Variants in GALNT2 observed in about 807,000 individuals in gnomAD.
GALNT2 encodes polypeptide N-acetylgalactosaminyltransferase 2, also known as UDP-GalNAc:polypeptide N-acetylgalactosaminyltransferase 2.
GALNT2 carries 31 observed loss-of-function variants against 81.4 expected under a neutral mutation model. The observed-to-expected ratio is 0.38, with a 90% CI of 0.29 to 0.51. The LOEUF is 0.51. Ranked by LOEUF, GALNT2 falls within the 20% of genes least tolerant of loss-of-function variation. The pLI is 0.87. For missense variants in GALNT2, 629 were observed against 765.7 expected, an observed-to-expected ratio of 0.82 and a Z score of 2.11; for synonymous variants, 303 against 287.4, an observed-to-expected ratio of 1.05 and a Z score of -0.55.
upstream of GALNT2, among the ~76,000 whole-genome samples, chr1:230,066,361 C>T (rs1418451204): frequency 6.6e-6 from 1 of 152,206 alleles, no homozygotes. Context: ...TTTTAAAGAA[C>T]GCAACGAATG....
chr1:230,242,073 C>G (rs1200786864), intron 6 of GALNT2, among the ~76,000 whole-genome samples: 1 of 152,178 alleles, frequency 6.6e-6, no homozygotes, highest in Non-Finnish European at 1.5e-5. Flanking sequence ...AAGCTCTGAA[C>G]TCTCTATCCT....
At chr1:230,239,997 A>G (rs1226814944) in intron 6 of GALNT2, among the ~76,000 whole-genome samples, 3 of 152,224 alleles carry the variant, frequency 2.0e-5, no homozygotes, top group East Asian at 1.9e-4. Flanking sequence ...TTTCTTCTAC[A>G]TACATCTTAA....
At chr1:230,098,617 T>A (rs1369311209) in intron 1 of GALNT2, among the ~76,000 whole-genome samples, 1 of 151,998 alleles carries the variant, frequency 6.6e-6, no homozygotes, top group Non-Finnish European at 1.5e-5. Flanking sequence ...AGGGCTTCTA[T>A]GCCATAGCGG....
At chr1:230,071,993 C>T (rs1659390220) in intron 1 of GALNT2, among the ~76,000 whole-genome samples, 1 of 152,096 alleles carries the variant, frequency 6.6e-6, no homozygotes. Flanking sequence ...GGTCAGCTTG[C>T]CCAGGCTCTG....
At chr1:230,145,458 G>A (rs960028290) in intron 1 of GALNT2, among the ~76,000 whole-genome samples, 13 of 152,252 alleles carry the variant, frequency 8.5e-5, no homozygotes, top group African/African-American at 3.1e-4. Flanking sequence ...TTTGAAGCCA[G>A]TCCCCCATTT....
chr1:230,076,571 A>C (rs1659564296), intron 1 of GALNT2, among the ~76,000 whole-genome samples: 2 of 152,118 alleles, frequency 1.3e-5, no homozygotes, highest in South Asian at 4.1e-4. Flanking sequence ...TCTGTGATAG[A>C]TAGTATTGTA....
chr1:230,227,060 T>C (rs1200593880), intron 3 of GALNT2, among the ~76,000 whole-genome samples: 2 of 152,102 alleles, frequency 1.3e-5, no homozygotes, highest in African/African-American at 4.8e-5. Flanking sequence ...AAAGCAGATA[T>C]AACTAAGATC....
chr1:230,090,471 G>A (rs559656397), intron 1 of GALNT2, among the ~76,000 whole-genome samples: 2 of 152,078 alleles, frequency 1.3e-5, no homozygotes, highest in South Asian at 4.1e-4. Flanking sequence ...CAGAACTGGT[G>A]TCCTGCTGTC....
At chr1:230,157,288 C>T (rs1013481465) in intron 1 of GALNT2, among the ~76,000 whole-genome samples, 1 of 152,172 alleles carries the variant, frequency 6.6e-6, no homozygotes, top group Non-Finnish European at 1.5e-5. Flanking sequence ...CATTATGTCA[C>T]TATACACCTA....
rs1171212960 is a variant in GALNT2, at chr1:230,280,293, GC to G, written c.*839del. ...GGCTTCCTCCAGACCACCGGCCTCG[GC>G]CCCGGCATCCCTGTTGGGCGTCAGC... On this transcript the variant is annotated 3_prime_UTR_variant, in exon 16 of 16. Coordinates refer to ENST00000366672, the MANE Select transcript of GALNT2 (RefSeq NM_004481.5). 4 of 298,466 alleles carry G rather than the reference GC, an allele frequency of 1.3e-5. No homozygotes were observed. Among genetic ancestry groups the G allele is most frequent in the African/African-American group, 8.6e-5 (4 of 46,248 alleles). The allele number at this position is 298,466 out of a possible 1,614,324, so 18.5% of individuals were successfully genotyped here. A position where few individuals can be genotyped will look rare whatever the true frequency, so the allele number is the denominator to read the frequency against.
chr1:230,122,389 A>G (rs1304492602), intron 1 of GALNT2, among the ~76,000 whole-genome samples: 4 of 152,236 alleles, frequency 2.6e-5, no homozygotes, highest in African/African-American at 9.6e-5. Context: ...AGGCCTCCAA[A>G]TCAGTGGCTG....
intron 9 of GALNT2, among the ~76,000 whole-genome samples, chr1:230,250,208 G>A (rs1665500842): frequency 6.6e-6 from 1 of 152,238 alleles, no homozygotes; most frequent in Non-Finnish European, 1.5e-5. Flanking sequence ...ACATAGGGGA[G>A]GCTCAGTCCA....
intron 1 of GALNT2, among the ~76,000 whole-genome samples, chr1:230,058,383 G>GC (rs948930271): frequency 6.6e-6 from 1 of 152,162 alleles, no homozygotes; most frequent in Non-Finnish European, 1.5e-5. Flanking sequence ...GATCCCCTAA[G>GC]CCCCCGTGAT....
chr1:230,092,157 T>G (rs1221602810), intron 1 of GALNT2: 2 of 148,764 alleles, frequency 1.3e-5, no homozygotes, highest in African/African-American at 5.0e-5. Context: ...TGGATTACAG[T>G]TCACCTTATA....
chr1:230,266,618 T>G (rs1348887015), intron 14 of GALNT2, among the ~76,000 whole-genome samples: 2 of 152,192 alleles, frequency 1.3e-5, no homozygotes, highest in Non-Finnish European at 2.9e-5. Context: ...CTTGGTGATG[T>G]GGTTTTAGCA....
chr1:230,259,020 C>A (rs1665799426), intron 11 of GALNT2: 1 of 152,184 alleles, frequency 6.6e-6, no homozygotes, highest in Non-Finnish European at 1.5e-5. Context: ...TTTGGGGCAG[C>A]ATGGATCTGA....
Position 230,073,005 on chromosome 1 carries a change from T to C in GALNT2, c.126+5599T>C, listed in dbSNP as rs16850851. On this transcript the variant is annotated intron_variant, in intron 1 of 15. Coordinates refer to ENST00000366672, the MANE Select transcript of GALNT2 (RefSeq NM_004481.5). The stretch of plus-strand genomic sequence containing the variant: ...ACTGTTGAGAGTTCTGGTTCCACCA[T>C]TGTAATCTTGTGGCCTTGCCTCTAG... Among the ~76,000 whole-genome samples, 321 of 152,346 alleles carry C rather than the reference T, an allele frequency of 2.1e-3. 1 individual carries two copies. The highest frequency in any genetic ancestry group is 7.4e-3 in the African/African-American group (309 of 41,584).
chr1:230,172,260 G>T (rs1662818057), intron 1 of GALNT2, among the ~76,000 whole-genome samples: 1 of 152,124 alleles, frequency 6.6e-6, no homozygotes, highest in African/African-American at 2.4e-5. Flanking sequence ...GCCGCCTCTT[G>T]GGAGGACACT....
At chr1:230,069,907 T>C (rs1363407061) in intron 1 of GALNT2, among the ~76,000 whole-genome samples, 2 of 152,234 alleles carry the variant, frequency 1.3e-5, no homozygotes, top group East Asian at 1.9e-4. Context: ...ACGTTTTTCA[T>C]AGGGTACTAG....
Sources: allele counts gnomAD v4.1 joint callset (sites outside exome capture counted in the v4.1 genomes callset), GRCh38; gene constraint gnomAD v4.1.1; transcripts MANE v1.5; gene names NCBI Gene and HGNC (gene_info 2026-07-23, HGNC 2026-07-21).